The following MEIS1 variants were observed in gnomAD, a reference collection of about 807,000 sequenced individuals.
MEIS1 encodes the protein Meis homeobox 1.
Under a neutral mutation model 50.8 loss-of-function variants are expected in MEIS1, and 5 were observed. The observed-to-expected ratio is 0.10, with a 90% CI of 0.05 to 0.21. The LOEUF is 0.21. MEIS1 is among the 10% of genes least tolerant of loss of function. MEIS1 has a pLI of 1.00. For synonymous variants in MEIS1, 176 were observed against 179.3 expected (o/e 0.98, Z 0.15); for missense variants, 318 against 517.3 (o/e 0.61, Z 3.74).
At chr2:66,451,577 A>G (rs898980303) in intron 6 of MEIS1, among the ~76,000 whole-genome samples, 3 of 152,020 alleles carry the variant, frequency 2.0e-5, no homozygotes, top group African/African-American at 7.2e-5. Flanking sequence ...TGTCTCCAAA[A>G]CTATTTGGAT....
chr2:66,570,520 C>T (rs1398074003), intron 12 of MEIS1: 3 of 152,140 alleles, frequency 2.0e-5, no homozygotes, highest in Non-Finnish European at 4.4e-5. Context: ...TCACAGTGCA[C>T]TATTACTTAG....
chr2:66,569,247 C>A (rs1675425364), intron 12 of MEIS1, 102 bp downstream of exon 12: 2 of 976,924 alleles, frequency 2.0e-6, no homozygotes, highest in Non-Finnish European at 3.0e-6. Flanking sequence ...CTTGTTCATT[C>A]CTTTCCATTA....
At chr2:66,452,022 T>A (rs561860442) in intron 6 of MEIS1, among the ~76,000 whole-genome samples, 122 of 151,990 alleles carry the variant, frequency 8.0e-4, no homozygotes, top group African/African-American at 2.9e-3. Flanking sequence ...AATATATATA[T>A]AGAAAATTTG....
intron 9 of MEIS1, among the ~76,000 whole-genome samples, chr2:66,561,060 C>CAGTT (rs1675201474): frequency 6.6e-6 from 1 of 152,094 alleles, no homozygotes; most frequent in Admixed American, 6.5e-5. Context: ...TGAAGACCAA[C>CAGTT]AGTTATGGAT....
At chr2:66,450,323 A>G (rs1573131852) in intron 6 of MEIS1, among the ~76,000 whole-genome samples, 1 of 152,042 alleles carries the variant, frequency 6.6e-6, no homozygotes, top group Non-Finnish European at 1.5e-5. Flanking sequence ...TCTTTAAAAA[A>G]CTCAAATAAA....
At chr2:66,472,358 C>T (rs1672781931) in intron 7 of MEIS1, among the ~76,000 whole-genome samples, 1 of 152,046 alleles carries the variant, frequency 6.6e-6, no homozygotes, top group Admixed American at 6.6e-5. Flanking sequence ...TGCAGATGAG[C>T]CAAAATATTA....
intron 7 of MEIS1, among the ~76,000 whole-genome samples, chr2:66,491,793 A>G (rs1400361343): frequency 6.6e-6 from 1 of 152,040 alleles, no homozygotes; most frequent in African/African-American, 2.4e-5. Context: ...GGGGCTTCGT[A>G]CACTCCCTTA....
At chr2:66,463,610 G>T in intron 6 of MEIS1, among the ~76,000 whole-genome samples, 1 of 151,996 alleles carries the variant, frequency 6.6e-6, no homozygotes, top group African/African-American at 2.4e-5. Context: ...TGTACCATCC[G>T]GCAAACAGCT....
chr2:66,487,300 T>C (rs544209202), intron 7 of MEIS1, among the ~76,000 whole-genome samples: 1 of 152,342 alleles, frequency 6.6e-6, no homozygotes, highest in South Asian at 2.1e-4. Context: ...TAAACACCTG[T>C]AACTCACCAT....
chr2:66,481,019 C>CA (rs200003737), intron 7 of MEIS1, among the ~76,000 whole-genome samples: 2,366 of 150,982 alleles, frequency 0.016, 23 homozygotes, highest in Non-Finnish European at 0.022. Flanking sequence ...AACAAAAAAA[C>CA]AAAAAAACAC....
intron 7 of MEIS1, among the ~76,000 whole-genome samples, chr2:66,483,798 A>G (rs946378914): frequency 4.6e-5 from 7 of 152,118 alleles, no homozygotes; most frequent in African/African-American, 1.7e-4. Context: ...CCTCTTCTTG[A>G]TGGTCAGATT....
chr2:66,461,077 AC>A (rs1305162487), intron 6 of MEIS1, among the ~76,000 whole-genome samples: 1 of 152,124 alleles, frequency 6.6e-6, no homozygotes, highest in Admixed American at 6.6e-5. Context: ...TTAATTTAAA[AC>A]CATGACTAAG....
intron 7 of MEIS1, among the ~76,000 whole-genome samples, chr2:66,494,727 C>T (rs951731188): frequency 2.0e-5 from 3 of 152,172 alleles, no homozygotes; most frequent in African/African-American, 4.8e-5. Flanking sequence ...TATATGATCT[C>T]GCTTGTTCCT....
intron 6 of MEIS1, among the ~76,000 whole-genome samples, chr2:66,446,709 C>T (rs1463997733): frequency 1.3e-5 from 2 of 152,178 alleles, no homozygotes; most frequent in African/African-American, 2.4e-5. Context: ...AGTAATATGG[C>T]TTGCAGTTAT....
At chr2:66,462,978 A>G (rs1672554481) in intron 6 of MEIS1, among the ~76,000 whole-genome samples, 1 of 151,914 alleles carries the variant, frequency 6.6e-6, no homozygotes, top group Non-Finnish European at 1.5e-5. Context: ...TGCCTCTTAG[A>G]TGGGATCTTT....
chr2:66,491,042 G>GAA (rs147442743), intron 7 of MEIS1, among the ~76,000 whole-genome samples: 3 of 133,482 alleles, frequency 2.2e-5, no homozygotes, highest in African/African-American at 8.2e-5. Flanking sequence ...ACAACAACAA[G>GAA]AAAAAAAAAA....
intron 6 of MEIS1, chr2:66,445,184 CT>C (rs1672098194): frequency 1.3e-5 from 2 of 152,256 alleles, no homozygotes; most frequent in Admixed American, 1.3e-4. Flanking sequence ...TAAGAGTGGG[CT>C]TCGAAGCTTT....
At chr2:66,494,207 T>A (rs1336963902) in intron 7 of MEIS1, among the ~76,000 whole-genome samples, 1 of 152,240 alleles carries the variant, frequency 6.6e-6, no homozygotes, top group Non-Finnish European at 1.5e-5. Flanking sequence ...TTGTTCCATA[T>A]GTAATAGCTC....
intron 7 of MEIS1, among the ~76,000 whole-genome samples, chr2:66,496,762 C>T (rs957107113): frequency 2.0e-5 from 3 of 151,966 alleles, no homozygotes; most frequent in African/African-American, 7.3e-5. Flanking sequence ...TGAGGTTTTT[C>T]TGTATGATTT....
Sources: allele counts gnomAD v4.1 joint callset (sites outside exome capture counted in the v4.1 genomes callset), GRCh38; gene constraint gnomAD v4.1.1; transcripts MANE v1.5; gene names NCBI Gene and HGNC (gene_info 2026-07-23, HGNC 2026-07-21).